DISP1: variants seen among roughly 807,000 people sequenced by gnomAD.
The protein encoded by DISP1 is protein dispatched homolog 1.
A neutral mutation model predicts 37.3 loss-of-function variants in DISP1; 30 were observed. The ratio of observed to expected loss-of-function variants is 0.80; its 90% CI spans 0.60 to 1.09. The LOEUF is 1.09. Ranked by LOEUF, DISP1 falls within the 50% of genes least tolerant of loss-of-function variation. The pLI is 0.00. For missense variants in DISP1, 1,598 were observed against 1,879.5 expected (o/e 0.85, Z 2.77); for synonymous variants, 634 against 690.2 (o/e 0.92, Z 1.28).
chr1:222,936,880 A>ATATATATAATATT (rs1673893559), intron 2 of DISP1, among the ~76,000 whole-genome samples: 2 of 57,758 alleles, frequency 3.5e-5, no homozygotes, highest in African/African-American at 1.3e-4. Flanking sequence ...CATATATATG[A>ATATATATAATATT]TATATATAAT....
At chr1:222,984,435 T>TATATATAGAG (rs67660273) in intron 4 of DISP1, among the ~76,000 whole-genome samples, 1,283 of 108,344 alleles carry the variant, frequency 0.012, 56 homozygotes, top group African/African-American at 0.038. Context: ...TATATATATA[T>TATATATAGAG]AGAGAGAGAG....
intron 1 of DISP1, among the ~76,000 whole-genome samples, chr1:222,829,209 T>A (rs1255533967): frequency 6.6e-6 from 1 of 152,172 alleles, no homozygotes; most frequent in Non-Finnish European, 1.5e-5. Context: ...CCCTTGCACC[T>A]TTTTCTAAGA....
intron 3 of DISP1, among the ~76,000 whole-genome samples, chr1:222,948,499 T>TACCATGC (rs1335695509): frequency 6.6e-6 from 1 of 152,226 alleles, no homozygotes; most frequent in African/African-American, 2.4e-5. Flanking sequence ...GAGGATGTTG[T>TACCATGC]ACCATGCTTT....
intron 1 of DISP1, among the ~76,000 whole-genome samples, chr1:222,839,874 A>G (rs1050771227): frequency 6.6e-6 from 1 of 151,990 alleles, no homozygotes; most frequent in Non-Finnish European, 1.5e-5. Context: ...CGGAGGTTGC[A>G]GTGAGCTGAG....
rs763341969 is a variant in DISP1 at position 223,004,332 on chromosome 1, A to T, written c.2935A>T (p.Ser979Cys). The change falls in exon 9 of 9, where the codon AGC becomes TGC. Residue 979 changes from serine (S) to cysteine (C), a missense_variant. Physicochemically the swap from Ser to Cys is moderately radical, Grantham distance 112. Coordinates refer to ENST00000675850, the MANE Select transcript of DISP1 (RefSeq NM_001377229.1). The surrounding 1 kb of genome is among the most constrained non-coding windows in gnomAD (Gnocchi z 4.9). Reference sequence around the variant, plus strand: ...TCTGGAGTTCTATGACCTCCAGGATAGCCTCTCCGATGGCACCCTCATTGC... The same window carrying T: ...TCTGGAGTTCTATGACCTCCAGGATTGCCTCTCCGATGGCACCCTCATTGC... ...SNLEFYDLQD[S>C]LSDGTLIAMG... 1 of 1,614,216 alleles carries T rather than the reference A, an allele frequency of 6.2e-7. No homozygotes were observed. Among genetic ancestry groups the T allele is most frequent in the South Asian group, 1.1e-5 (1 of 91,086 alleles).
Position 222,978,597 on chromosome 1 carries a change from T to C in DISP1, c.510-4483T>C, listed in dbSNP as rs533477039. On this transcript the variant is annotated intron_variant, in intron 3 of 8. Coordinates refer to ENST00000675850, the MANE Select transcript of DISP1 (RefSeq NM_001377229.1). The stretch of plus-strand genomic sequence containing the variant: ...GTTTTAGACATGAAGTCTTTGCCCA[T>C]GCCTGTGTCCTGAATGGTATTGCCT... 6.8e-3 allele frequency among the ~76,000 whole-genome samples: 1,042 copies of C among 152,340 alleles called. 11 individuals are homozygous for C. Among genetic ancestry groups the C allele is most frequent in the African/African-American group, 0.024 (995 of 41,586 alleles).
chr1:222,847,794 T>G (rs1432117958), intron 1 of DISP1, among the ~76,000 whole-genome samples: 2 of 151,578 alleles, frequency 1.3e-5, no homozygotes, highest in East Asian at 3.9e-4. Flanking sequence ...TCCCAGTGAA[T>G]TTTTTTTTGA....
At chr1:222,842,433 C>G (rs868805104) in intron 1 of DISP1, among the ~76,000 whole-genome samples, 2 of 151,842 alleles carry the variant, frequency 1.3e-5, no homozygotes, top group Middle Eastern at 6.8e-3. Flanking sequence ...TATAGCTATA[C>G]TTTCTTTTTT....
intron 3 of DISP1, among the ~76,000 whole-genome samples, chr1:222,966,970 G>A (rs1676541870): frequency 6.6e-6 from 1 of 152,054 alleles, no homozygotes; most frequent in African/African-American, 2.4e-5. Flanking sequence ...GTATGGAGTG[G>A]GAGGGAGGAT....
At chr1:222,961,414 C>G (rs1676046447) in intron 3 of DISP1, among the ~76,000 whole-genome samples, 1 of 152,154 alleles carries the variant, frequency 6.6e-6, no homozygotes, top group Non-Finnish European at 1.5e-5. Flanking sequence ...TGATAAAATT[C>G]AACATCTCTT....
intron 1 of DISP1, among the ~76,000 whole-genome samples, chr1:222,903,733 G>A (rs1159118108): frequency 6.6e-6 from 1 of 152,164 alleles, no homozygotes; most frequent in South Asian, 2.1e-4. Context: ...AAATTAGATG[G>A]TATCATAGAT....
chr1:222,887,858 T>A (rs1420249631), intron 1 of DISP1, among the ~76,000 whole-genome samples: 1 of 152,230 alleles, frequency 6.6e-6, no homozygotes, highest in East Asian at 1.9e-4. Context: ...TGGAAACAGA[T>A]CTTTTGTCCT....
chr1:222,968,840 G>A (rs1324226702), intron 3 of DISP1, among the ~76,000 whole-genome samples: 1 of 152,110 alleles, frequency 6.6e-6, no homozygotes, highest in East Asian at 1.9e-4. Context: ...GTCTGAGGCA[G>A]GAGAATCGCT....
intron 6 of DISP1, 124 bp downstream of exon 6, chr1:222,991,771 AT>A: frequency 2.6e-6 from 3 of 1,152,578 alleles, no homozygotes; most frequent in Non-Finnish European, 3.7e-6. Flanking sequence ...TTGCCACTGA[AT>A]TTGCTTAACT....
chr1:222,936,932 AAT>A (rs1479657424), intron 2 of DISP1, among the ~76,000 whole-genome samples: 1 of 71,014 alleles, frequency 1.4e-5, no homozygotes, highest in Non-Finnish European at 2.8e-5. Context: ...TATAATATGT[AAT>A]ATATATTATA....
At chr1:222,903,982 G>C (rs535235886) in intron 1 of DISP1, among the ~76,000 whole-genome samples, 2 of 152,156 alleles carry the variant, frequency 1.3e-5, no homozygotes, top group African/African-American at 4.8e-5. Flanking sequence ...CAGTGTTTGC[G>C]TGGCAGCCTT....
At chr1:222,886,562 C>T (rs78710239) in intron 1 of DISP1, among the ~76,000 whole-genome samples, 17,356 of 152,278 alleles carry the variant, frequency 0.11, 1,362 homozygotes, top group Non-Finnish European at 0.16. Context: ...GACAACTGAG[C>T]ACAAATGTGG....
At chr1:222,824,193 A>G (rs1663694337) in intron 1 of DISP1, among the ~76,000 whole-genome samples, 2 of 152,020 alleles carry the variant, frequency 1.3e-5, no homozygotes, top group Non-Finnish European at 2.9e-5. Flanking sequence ...ATTTTTTTCC[A>G]CCAAAGAGGA....
chr1:222,824,252 A>C (rs1220414397), intron 1 of DISP1, among the ~76,000 whole-genome samples: 1 of 152,174 alleles, frequency 6.6e-6, no homozygotes, highest in Non-Finnish European at 1.5e-5. Flanking sequence ...CTCTAATGAT[A>C]CTGGCCTCTA....
Sources: allele counts gnomAD v4.1 joint callset (sites outside exome capture counted in the v4.1 genomes callset), GRCh38; gene constraint gnomAD v4.1.1; non-coding constraint Gnocchi (gnomAD v3.1); transcripts MANE v1.5; gene names NCBI Gene and HGNC (gene_info 2026-07-23, HGNC 2026-07-21).